LUC7L3: variants seen among roughly 807,000 people sequenced by gnomAD.
LUC7L3 encodes the protein LUC7 like 3 pre-mRNA splicing factor.
LUC7L3 carries 6 observed loss-of-function variants against 66.8 expected under a neutral mutation model. That is an observed-to-expected ratio of 0.09 (90% CI 0.05 to 0.18). LUC7L3 has a LOEUF of 0.18. LUC7L3 is among the 10% of genes least tolerant of loss of function. The probability of loss-of-function intolerance (pLI) is 1.00; values close to 1 mark genes in which losing one functional copy is unlikely to be tolerated. For missense variants in LUC7L3, 341 were observed against 531.1 expected, an observed-to-expected ratio of 0.64 and a Z score of 3.52; for synonymous variants, 160 against 174.7, an observed-to-expected ratio of 0.92 and a Z score of 0.66.
chr17:50,747,129 T>G (rs572915004), intron 9 of LUC7L3, among the ~76,000 whole-genome samples: 1 of 152,236 alleles, frequency 6.6e-6, no homozygotes, highest in African/African-American at 2.4e-5. Flanking sequence ...AGTTAGTAAT[T>G]AACATCTAAG....
rs773733723 is a variant in LUC7L3, at chr17:50,746,717, G to C, written c.1138+15G>C. On this transcript the variant is annotated intron_variant, in intron 9 of 9. Coordinates refer to ENST00000505658, the MANE Select transcript of LUC7L3 (RefSeq NM_016424.5). ...CAAGGAGAAAGGTTAGTTTATATGA[G>C]AATTCAGTTCATTAAGAAACTTTTC... 1 of 1,605,712 alleles carries C rather than the reference G, an allele frequency of 6.2e-7. No homozygotes were observed. Among genetic ancestry groups the C allele is most frequent in the Non-Finnish European group, 8.5e-7 (1 of 1,176,724 alleles).
rs771324379 is a variant in LUC7L3, at chr17:50,746,605, TCGGGATCGAAGAAGATCAAAAAGC to T, written c.1052_1075del (p.Arg351_Arg358del). ...CAGAAAGAAAACACAGATCTCGAAG[TCGGGATCGAAGAAGATCAAAAAGC>T]CGGGATCGAAAGTCATATAAGCACA... is the stretch of plus-strand genomic sequence containing the variant. On this transcript the variant is annotated inframe_deletion, in exon 9 of 10. Transcript: ENST00000505658. The T allele has an allele frequency of 2.5e-6, 4 of 1,614,096 alleles. No homozygotes were observed. Among genetic ancestry groups the T allele is most frequent in the Non-Finnish European group, 3.4e-6 (4 of 1,180,002 alleles).
intron 5 of LUC7L3, 115 bp from the exon 6 acceptor site, chr17:50,743,591 G>A (rs1970485823): frequency 1.5e-6 from 1 of 655,486 alleles, no homozygotes; most frequent in Non-Finnish European, 2.7e-6. Context: ...AGAGGCTTTT[G>A]TAAATGAAAC....
At chr17:50,724,614 TGTG>T (rs1567855553) in intron 1 of LUC7L3, among the ~76,000 whole-genome samples, 7 of 28,482 alleles carry the variant, frequency 2.5e-4, no homozygotes, top group Non-Finnish European at 4.4e-4. Flanking sequence ...AGGAAAATTG[TGTG>T]TGTGTGTGTG....
At chr17:50,731,884 A>G (rs1417741537) in intron 1 of LUC7L3, among the ~76,000 whole-genome samples, 2 of 152,214 alleles carry the variant, frequency 1.3e-5, no homozygotes, top group Admixed American at 6.5e-5. Flanking sequence ...TGCAGCGGAC[A>G]GGTCTACGGA....
At chr17:50,742,363 C>T (rs569057157) in intron 5 of LUC7L3, among the ~76,000 whole-genome samples, 2 of 152,024 alleles carry the variant, frequency 1.3e-5, no homozygotes, top group Admixed American at 6.6e-5. Flanking sequence ...GTTTTGTTGT[C>T]GTTGTTACTG....
chr17:50,740,265 A>G, intron 2 of LUC7L3, 41 bp from the exon 3 acceptor site: 1 of 1,455,176 alleles, frequency 6.9e-7, no homozygotes, highest in African/African-American at 1.4e-5. Flanking sequence ...AAGGTTGCTA[A>G]TAATCACAGA....
At chr17:50,746,210 TCACCCAACC>T in intron 8 of LUC7L3, among the ~76,000 whole-genome samples, 1 of 152,214 alleles carries the variant, frequency 6.6e-6, no homozygotes, top group Non-Finnish European at 1.5e-5. Flanking sequence ...CTAGGAAATT[TCACCCAACC>T]TTTTTACAAA....
intron 5 of LUC7L3, among the ~76,000 whole-genome samples, chr17:50,742,391 C>G (rs1025335084): frequency 6.6e-6 from 1 of 152,092 alleles, no homozygotes; most frequent in Non-Finnish European, 1.5e-5. Flanking sequence ...GACAGTCTTG[C>G]TTTGTCACCC....
intron 9 of LUC7L3, among the ~76,000 whole-genome samples, chr17:50,748,604 G>A (rs1005016056): frequency 6.6e-6 from 1 of 151,838 alleles, no homozygotes; most frequent in African/African-American, 2.4e-5. Context: ...GGTTATAGGT[G>A]TAAGCCACCA....
Position 50,755,387 on chromosome 17 carries a change from C to G in LUC7L3, c.*4726C>G, listed in dbSNP as rs1404870493. The G allele has an allele frequency of 2.0e-5, 3 of 152,158 alleles. No individual in the cohort carries two copies. Among genetic ancestry groups the G allele is most frequent in the African/African-American group, 7.2e-5 (3 of 41,430 alleles). The allele number at this position is 152,158 out of a possible 1,614,324, so 9.4% of individuals were successfully genotyped here. A position where few individuals can be genotyped will look rare whatever the true frequency, so the allele number is the denominator to read the frequency against. ...GTATACCCGTATGTTCTGAGTCTTG[C>G]TGTTTTTACCTGGTAATATTTAGAA... On this transcript the variant is annotated 3_prime_UTR_variant, in exon 10 of 10. Transcript: ENST00000505658.
At chr17:50,725,169 C>T (rs1969093502) in intron 1 of LUC7L3, among the ~76,000 whole-genome samples, 1 of 151,848 alleles carries the variant, frequency 6.6e-6, no homozygotes, top group Admixed American at 6.6e-5. Context: ...TAGCACTTTG[C>T]GAGGCTGAGG....
chr17:50,733,503 G>A (rs544039102), intron 1 of LUC7L3, among the ~76,000 whole-genome samples: 4 of 147,118 alleles, frequency 2.7e-5, no homozygotes, highest in Non-Finnish European at 5.9e-5. Flanking sequence ...CTGTGTTCAC[G>A]CCATTCTCCT....
At chr17:50,738,772 A>G (rs1015761344) in intron 2 of LUC7L3, among the ~76,000 whole-genome samples, 1 of 152,202 alleles carries the variant, frequency 6.6e-6, no homozygotes. Flanking sequence ...GGAATTGCTT[A>G]AGAAAAAAAA....
Position 50,723,926 on chromosome 17 carries a change from C to T in LUC7L3, c.99+4095C>T, listed in dbSNP as rs148554328. The T allele has an allele frequency of 2.2e-3, 1,019 of 454,254 alleles. 14 individuals carry two copies. Among genetic ancestry groups the T allele is most frequent in the South Asian group, 9.7e-3 (624 of 64,364 alleles). 28.1% of individuals were successfully genotyped at this position (454,254 alleles called of 1,614,324 possible). ...CTGAGGTTACAGGCGTGAGCCACTG[C>T]GCCCGGCTGGCATTTCCTACCTTAC... On this transcript the variant is annotated intron_variant, in intron 1 of 9. Transcript: ENST00000505658.
chr17:50,742,236 A>G (rs1970394185), intron 5 of LUC7L3, among the ~76,000 whole-genome samples: 1 of 152,228 alleles, frequency 6.6e-6, no homozygotes, highest in African/African-American at 2.4e-5. Context: ...AACTGATCAT[A>G]CCAGCTATTG....
intron 1 of LUC7L3, among the ~76,000 whole-genome samples, chr17:50,729,911 TATATATATATATATA>T (rs1969460610): frequency 3.4e-5 from 1 of 29,538 alleles, no homozygotes; most frequent in African/African-American, 1.7e-4. Context: ...TATATATATA[TATATATATATATATA>T]TATATATATA....
intron 9 of LUC7L3, 150 bp downstream of exon 9, chr17:50,746,852 C>G (rs1418889105): frequency 3.4e-6 from 2 of 589,174 alleles, no homozygotes; most frequent in Non-Finnish European, 2.9e-6. Context: ...GGCATTCTTT[C>G]CCCCTCTCCT....
At chr17:50,722,572 T>C (rs892508898) in intron 1 of LUC7L3, 12 of 152,196 alleles carry the variant, frequency 7.9e-5, no homozygotes, top group African/African-American at 2.7e-4. Context: ...CTTTTAATTG[T>C]GCATATCTGC....
Sources: gnomAD v4.1 joint callset for allele counts (sites outside exome capture counted in the v4.1 genomes callset) on GRCh38, gnomAD v4.1.1 for gene constraint, MANE v1.5 for transcripts, NCBI Gene and HGNC (gene_info 2026-07-23, HGNC 2026-07-21) for gene names.